Variants in FHOD3 observed in about 807,000 individuals in gnomAD.
FHOD3 encodes FH1/FH2 domain-containing protein 3.
FHOD3 carries 90 observed loss-of-function variants against 173.0 expected under a neutral mutation model. The observed-to-expected ratio is 0.52, with a 90% CI of 0.44 to 0.62. The LOEUF (loss-of-function observed/expected upper bound fraction) is 0.62, where lower values mean the gene tolerates loss of function less well. FHOD3 is among the 20% of genes least tolerant of loss of function. The pLI is 0.00. For synonymous variants in FHOD3, 828 were observed against 823.0 expected (o/e 1.01, Z -0.10); for missense variants, 1,945 against 2,034.7 (o/e 0.96, Z 0.85).
chr18:36,759,600 C>T (rs777925338), intron 26 of FHOD3, among the ~76,000 whole-genome samples: 2 of 152,236 alleles, frequency 1.3e-5, no homozygotes, highest in Non-Finnish European at 2.9e-5. Context: ...GTGACCATTT[C>T]CTCTGCTGGT....
chr18:36,637,815 A>C (rs2034997966), intron 10 of FHOD3, among the ~76,000 whole-genome samples: 1 of 152,212 alleles, frequency 6.6e-6, no homozygotes, highest in Non-Finnish European at 1.5e-5. Flanking sequence ...GCCTTACTGC[A>C]TCCCTGTGGT....
At chr18:36,406,794 GA>G (rs2049096659) in intron 3 of FHOD3, among the ~76,000 whole-genome samples, 2 of 152,186 alleles carry the variant, frequency 1.3e-5, no homozygotes, top group African/African-American at 4.8e-5. Flanking sequence ...CTGTTGGCAG[GA>G]GCCCATATTA....
At chr18:36,647,388 C>G (rs1228906385) in intron 10 of FHOD3, among the ~76,000 whole-genome samples, 1 of 152,106 alleles carries the variant, frequency 6.6e-6, no homozygotes, top group Non-Finnish European at 1.5e-5. Flanking sequence ...AGAAAGCAAA[C>G]TAAAAGCACA....
intron 3 of FHOD3, among the ~76,000 whole-genome samples, chr18:36,411,466 G>A (rs1204213157): frequency 6.6e-6 from 1 of 152,124 alleles, no homozygotes; most frequent in Non-Finnish European, 1.5e-5. Flanking sequence ...TTCATAAAAG[G>A]ATATTTAACC....
At chr18:36,714,271 T>C (rs2040330148) in intron 18 of FHOD3, among the ~76,000 whole-genome samples, 1 of 152,190 alleles carries the variant, frequency 6.6e-6, no homozygotes, top group African/African-American at 2.4e-5. Context: ...GCGTGGTGGC[T>C]CACACATGTA....
At chr18:36,695,279 C>T (rs1388864051) in intron 17 of FHOD3, among the ~76,000 whole-genome samples, 9 of 150,678 alleles carry the variant, frequency 6.0e-5, no homozygotes, top group South Asian at 2.1e-4. Context: ...ACCCAGGAGG[C>T]GGAGGTTGCA....
At chr18:36,769,193 G>A in intron 27 of FHOD3, 72 bp from the exon 28 acceptor site, 2 of 1,540,990 alleles carry the variant, frequency 1.3e-6, no homozygotes, top group South Asian at 1.2e-5. Flanking sequence ...ACTGCTTGGA[G>A]GAATACTGCT....
rs142548869 is a variant in FHOD3, at chr18:36,456,694, C to T, written c.338-45238C>T. ...GTCAGTGATGGGGTCAGAGAGGGAC[C>T]CACTTCTACTGCCTTCCTGGTTGAG... is the stretch of plus-strand genomic sequence containing the variant. On this transcript the variant is annotated intron_variant, in intron 3 of 28. Coordinates refer to ENST00000590592, the MANE Select transcript of FHOD3 (RefSeq NM_001281740.3). Among the ~76,000 whole-genome samples, 588 of 152,028 alleles carry T rather than the reference C, an allele frequency of 3.9e-3. 8 individuals are homozygous for T. The highest frequency in any genetic ancestry group is 0.014 in the African/African-American group (568 of 41,402).
At chr18:36,695,703 C>T (rs2039243874) in intron 17 of FHOD3, among the ~76,000 whole-genome samples, 1 of 152,164 alleles carries the variant, frequency 6.6e-6, no homozygotes, top group South Asian at 2.1e-4. Flanking sequence ...AGATGGTGGT[C>T]TCAGAAAGAA....
chr18:36,740,457 G>A (rs2150038195), intron 20 of FHOD3, among the ~76,000 whole-genome samples, 199 bp from the exon 21 acceptor site: 1 of 152,046 alleles, frequency 6.6e-6, no homozygotes, highest in Middle Eastern at 3.4e-3. Context: ...TCCCTTTCTT[G>A]CCTAGAATGT....
intron 20 of FHOD3, among the ~76,000 whole-genome samples, chr18:36,735,915 G>A (rs1405613749): frequency 6.6e-6 from 1 of 152,198 alleles, no homozygotes; most frequent in African/African-American, 2.4e-5. Flanking sequence ...TTTAAAAAGG[G>A]ATTTCTGCAT....
intron 11 of FHOD3, among the ~76,000 whole-genome samples, chr18:36,650,480 A>G (rs1568550467): frequency 6.6e-6 from 1 of 152,190 alleles, no homozygotes; most frequent in Non-Finnish European, 1.5e-5. Flanking sequence ...GTGGAGAGAA[A>G]AGGAATGAGC....
At chr18:36,633,029 C>T (rs77433600) in intron 10 of FHOD3, among the ~76,000 whole-genome samples, 3,890 of 152,198 alleles carry the variant, frequency 0.026, 176 homozygotes, top group African/African-American at 0.09. Flanking sequence ...TCTTTTCTAC[C>T]CTGATTCTTC....
intron 5 of FHOD3, among the ~76,000 whole-genome samples, chr18:36,513,768 C>A (rs1221590932): frequency 6.6e-6 from 1 of 151,578 alleles, no homozygotes; most frequent in Non-Finnish European, 1.5e-5. Flanking sequence ...ACGTAGGGCT[C>A]ATTAAAAAAA....
intron 10 of FHOD3, among the ~76,000 whole-genome samples, chr18:36,630,816 A>G (rs979662044): frequency 1.3e-5 from 2 of 152,224 alleles, no homozygotes; most frequent in Non-Finnish European, 2.9e-5. Flanking sequence ...ATTTTTTTCC[A>G]TGTAAGTTAC....
intron 19 of FHOD3, among the ~76,000 whole-genome samples, chr18:36,720,776 TCCTCTTCCTC>T (rs1316224099): frequency 0.02 from 779 of 39,404 alleles, 7 homozygotes; most frequent in African/African-American, 0.075. Context: ...CTCCTCCTCC[TCCTCTTCCTC>T]CTCCTCTTCC....
rs557400582 is a variant in FHOD3, at chr18:36,381,512, C to T, written c.337+8768C>T. ...GTCCCTGCTGGCTGTAGTAGCTGCCCGAGAGGAGGATGAGGGTGCCAGGCA... is the reference window on the plus strand; with the variant it reads ...GTCCCTGCTGGCTGTAGTAGCTGCCTGAGAGGAGGATGAGGGTGCCAGGCA... On this transcript the variant is annotated intron_variant, in intron 3 of 28. Transcript: ENST00000590592. Among the ~76,000 whole-genome samples the T allele has an allele frequency of 8.7e-4, 132 of 152,218 alleles. 1 individual carries two copies. Among genetic ancestry groups the T allele is most frequent in the African/African-American group, 3.0e-3 (125 of 41,532 alleles).
chr18:36,584,098 G>A (rs2058946919), intron 6 of FHOD3, among the ~76,000 whole-genome samples: 1 of 152,178 alleles, frequency 6.6e-6, no homozygotes. Context: ...AAAGTGCTAA[G>A]AATACAGGCG....
intron 3 of FHOD3, among the ~76,000 whole-genome samples, chr18:36,498,844 T>C (rs2054875432): frequency 6.6e-6 from 1 of 152,202 alleles, no homozygotes; most frequent in African/African-American, 2.4e-5. Flanking sequence ...TTTTTTCTAA[T>C]ATTTAATTTG....
Sources: allele counts gnomAD v4.1 joint callset (sites outside exome capture counted in the v4.1 genomes callset), GRCh38; gene constraint gnomAD v4.1.1; transcripts MANE v1.5; gene names NCBI Gene and HGNC (gene_info 2026-07-23, HGNC 2026-07-21).